Variants in ITIH3 observed in about 807,000 individuals in gnomAD.
ITIH3 encodes inter-alpha-trypsin inhibitor heavy chain 3.
Under a neutral mutation model 96.5 loss-of-function variants are expected in ITIH3, and 81 were observed. The ratio of observed to expected loss-of-function variants is 0.84; its 90% CI spans 0.70 to 1.01. The LOEUF (loss-of-function observed/expected upper bound fraction) is 1.01. Among genes scored for constraint, ITIH3 ranks in the 50% least tolerant of loss-of-function variants. The pLI, the probability that ITIH3 is intolerant of heterozygous loss-of-function variation, is 0.00. For missense variants in ITIH3, 1,057 were observed against 1,139.3 expected (o/e 0.93, Z 1.04); for synonymous variants, 422 against 445.2 (o/e 0.95, Z 0.66).
chr3:52,800,726 G>A (rs1276376427), intron 10 of ITIH3, 63 bp downstream of exon 10: 3 of 1,569,182 alleles, frequency 1.9e-6, no homozygotes, highest in East Asian at 2.3e-5. Flanking sequence ...TCCTGGCTCT[G>A]TAGCTGGCTC....
At chr3:52,797,960 G>A (rs1212269806) in intron 6 of ITIH3, 30 bp downstream of exon 6, 1 of 1,353,264 alleles carries the variant, frequency 7.4e-7, no homozygotes, top group Non-Finnish European at 1.0e-6. Context: ...GACCTGGTGG[G>A]GCAGGGGACA....
In ITIH3 at chr3:52,802,734, G is replaced by A. The variant is rs201794632; in HGVS notation, c.1637G>A (p.Arg546Gln). Reference protein sequence around the residue: ...MKEMEKALQERDYIFGNYIER... With the variant: ...MKEMEKALQEQDYIFGNYIER... The stretch of plus-strand genomic sequence containing the variant: ...GAGATGGAGAAGGCCCTGCAGGAGC[G>A]GGACTACATCTTCGGGAATTACATT... Residue 546 changes from arginine (R) to glutamine (Q), a missense_variant, in exon 13 of 22, where the codon CGG becomes CAG. Physicochemically the swap from Arg to Gln is conservative, Grantham distance 43. Transcript: ENST00000449956. The A allele has an allele frequency of 4.9e-5, 79 of 1,613,856 alleles. No homozygotes were observed. In the Middle Eastern group the frequency reaches 4.9e-4, roughly 10 times the overall value.
At position 52,802,693 on chromosome 3, in the gene ITIH3, G is replaced by T. The variant is rs1699882390; in HGVS notation, c.1596G>T (p.Glu532Asp). 6.2e-7 allele frequency: 1 copy of T among 1,613,870 alleles called. No individual in the cohort carries two copies. The highest frequency in any genetic ancestry group is 1.1e-5 in the South Asian group (1 of 91,086). Reference protein sequence around the residue: ...HGATNDLTFTEEVDMKEMEKA... With the variant: ...HGATNDLTFTDEVDMKEMEKA... ...CCACCAACGACCTGACCTTCACAGA[G>T]GAGGTGGACATGAAGGAGATGGAGA... The change falls in exon 13 of 22, where the codon GAG becomes GAT. Residue 532 changes from glutamate (E) to aspartate (D), a missense_variant. Transcript: ENST00000449956.
intron 5 of ITIH3, among the ~76,000 whole-genome samples, chr3:52,797,603 C>T (rs1035335217): frequency 5.3e-5 from 8 of 152,184 alleles, no homozygotes; most frequent in South Asian, 2.1e-4. Context: ...GAATTTCGGG[C>T]GCATATGGCA....
At chr3:52,805,633 GCTTCC>G (rs1700009155) in intron 15 of ITIH3, 170 bp from the exon 16 acceptor site, 1 of 1,422,744 alleles carries the variant, frequency 7.0e-7, no homozygotes, top group African/African-American at 1.4e-5. Flanking sequence ...CCCATAAAGG[GCTTCC>G]CTGGACGTGC....
chr3:52,807,144 G>A (rs2276813), intron 19 of ITIH3, 39 bp downstream of exon 19: 1 of 1,525,234 alleles, frequency 6.6e-7, no homozygotes, highest in South Asian at 1.2e-5. Context: ...GGACTACAGG[G>A]TGAGAGTCTA....
intron 1 of ITIH3, 56 bp from the exon 2 acceptor site, chr3:52,795,547 C>A (rs998549306): frequency 1.1e-5 from 17 of 1,576,850 alleles, no homozygotes; most frequent in Non-Finnish European, 1.4e-5. Context: ...GGCCATGCGG[C>A]CTTGGTGTTG....
At chr3:52,800,793 A>G in intron 10 of ITIH3, 130 bp downstream of exon 10, 1 of 1,470,522 alleles carries the variant, frequency 6.8e-7, no homozygotes. Flanking sequence ...GAGCCCCTCA[A>G]GGGCAGGGTC....
Position 52,799,407 on chromosome 3 carries a change from T to C in ITIH3, c.825T>C (p.Pro275=). 1.9e-6 allele frequency: 3 copies of C among 1,611,046 alleles called. No individual in the cohort carries two copies. Among genetic ancestry groups the C allele is most frequent in the Non-Finnish European group, 2.5e-6 (3 of 1,178,766 alleles). ...GCTACTTCGTGCACTTCTTTGCACC[T>C]CAAGGCCTTCCAGTGGTGCCTAAGA... ...VNGYFVHFFA[P]QGLPVVPKNV... is the part of the protein sequence containing the mutation. Residue 275 remains proline, a synonymous_variant, in exon 8 of 22, where the codon CCT becomes CCC. Coordinates refer to ENST00000449956, the MANE Select transcript of ITIH3 (RefSeq NM_002217.4).
At chr3:52,800,908 T>C (rs1699806606) in intron 10 of ITIH3, 57 bp from the exon 11 acceptor site, 1 of 1,601,164 alleles carries the variant, frequency 6.2e-7, no homozygotes, top group Non-Finnish European at 8.5e-7. Flanking sequence ...CAGACAGAGC[T>C]GGTCTAGACC....
In ITIH3 at chr3:52,802,528, G is replaced by T; in HGVS notation, c.1569+9G>T. 6.2e-7 allele frequency: 1 copy of T among 1,613,692 alleles called. No homozygotes were observed. Among genetic ancestry groups the T allele is most frequent in the Non-Finnish European group, 8.5e-7 (1 of 1,179,796 alleles). ...ATGTGAAGGGCCATGGGGTGAGTGGGGACAGGGCCTGGAAGTGTGCTGGGG... is the reference window on the plus strand; with the variant it reads ...ATGTGAAGGGCCATGGGGTGAGTGGTGACAGGGCCTGGAAGTGTGCTGGGG... On this transcript the variant is annotated intron_variant, in intron 12 of 21. Coordinates refer to ENST00000449956, the MANE Select transcript of ITIH3 (RefSeq NM_002217.4).
intron 20 of ITIH3, 48 bp downstream of exon 20, chr3:52,807,964 G>C: frequency 6.3e-7 from 1 of 1,596,820 alleles, no homozygotes; most frequent in Non-Finnish European, 8.5e-7. Context: ...GAGCAGCATG[G>C]GAAAGACATA....
Position 52,796,567 on chromosome 3 carries a change from C to A in ITIH3, c.201C>A (p.Ala67=). ...CTCACAATGTTGTCACCATGAGAGC[C>A]GTCAACCGTGCAGACACGGCCAAGG... The part of the protein sequence containing the change: ...RFAHNVVTMR[A]VNRADTAKEV... The change falls in exon 3 of 22, where the codon GCC becomes GCA. Residue 67 remains alanine, a synonymous_variant. Coordinates refer to ENST00000449956, the MANE Select transcript of ITIH3 (RefSeq NM_002217.4). The A allele has an allele frequency of 1.9e-6, 3 of 1,613,602 alleles. No homozygotes were observed. The highest frequency in any genetic ancestry group is 2.5e-6 in the Non-Finnish European group (3 of 1,179,734).
chr3:52,799,296 G>C (rs1699718676), intron 7 of ITIH3, 76 bp from the exon 8 acceptor site: 1 of 1,259,468 alleles, frequency 7.9e-7, no homozygotes, highest in African/African-American at 1.5e-5. Context: ...GTAAATGTCT[G>C]GCTTCTACCT....
intron 1 of ITIH3, among the ~76,000 whole-genome samples, chr3:52,795,185 C>G (rs1034581253): frequency 2.6e-5 from 4 of 152,244 alleles, no homozygotes; most frequent in Non-Finnish European, 4.4e-5. Flanking sequence ...AGGTTCAAGT[C>G]TCAAACGAGT....
chr3:52,804,806 A>T (rs1369510737), intron 15 of ITIH3, 72 bp downstream of exon 15: 4 of 1,526,064 alleles, frequency 2.6e-6, no homozygotes, highest in Middle Eastern at 1.9e-4. Flanking sequence ...AGGCCTTTCC[A>T]AGCAAGATAG....
intron 12 of ITIH3, 47 bp downstream of exon 12, chr3:52,802,566 C>A: frequency 6.2e-7 from 1 of 1,610,882 alleles, no homozygotes; most frequent in Non-Finnish European, 8.5e-7. Context: ...GGGGTATCAG[C>A]AGTGGTAGGG....
intron 8 of ITIH3, 108 bp downstream of exon 8, chr3:52,799,596 G>T: frequency 2.8e-6 from 3 of 1,067,116 alleles, no homozygotes; most frequent in Admixed American, 2.7e-5. Context: ...GGAGAAAGGG[G>T]ACAGGATAAG....
chr3:52,794,959 G>A (rs1417115435), intron 1 of ITIH3, 63 bp downstream of exon 1: 1 of 1,324,956 alleles, frequency 7.5e-7, no homozygotes, highest in Non-Finnish European at 1.1e-6. Context: ...GCATCATGCT[G>A]GGCAAGGCCT....
Sources: allele counts gnomAD v4.1 joint callset (sites outside exome capture counted in the v4.1 genomes callset), GRCh38; gene constraint gnomAD v4.1.1; transcripts MANE v1.5; gene names NCBI Gene and HGNC (gene_info 2026-07-23, HGNC 2026-07-21).